DZIP1: variants seen among roughly 807,000 people sequenced by gnomAD.
DZIP1 encodes the protein DAZ interacting zinc finger protein 1.
DZIP1 carries 97 observed loss-of-function variants against 107.6 expected under a neutral mutation model. The observed-to-expected ratio is 0.90, with a 90% CI of 0.77 to 1.07. DZIP1 has a LOEUF of 1.07. Among genes scored for constraint, DZIP1 ranks in the 50% least tolerant of loss-of-function variants. The pLI is 0.00. For missense variants in DZIP1, 1,035 were observed against 1,063.6 expected (o/e 0.97, Z 0.37); for synonymous variants, 390 against 386.4 (o/e 1.01, Z -0.11).
chr13:95,594,167 A>G (rs1566369293), intron 15 of DZIP1, 81 bp from the exon 16 acceptor site: 13 of 1,163,238 alleles, frequency 1.1e-5, no homozygotes, highest in Non-Finnish European at 1.6e-5. Context: ...ATGGCAAACC[A>G]CAGCTTTTAA....
At chr13:95,589,323 G>T in intron 18 of DZIP1, 116 bp from the exon 19 acceptor site, 1 of 763,138 alleles carries the variant, frequency 1.3e-6, no homozygotes, top group Non-Finnish European at 2.1e-6. Flanking sequence ...AGGAAGAGCA[G>T]CAACAAAAGT....
intron 10 of DZIP1, among the ~76,000 whole-genome samples, chr13:95,613,263 A>C (rs55671956): frequency 0.018 from 2,756 of 152,344 alleles, 77 homozygotes; most frequent in African/African-American, 0.062. Context: ...ATGTAATCCC[A>C]GCACTTTGGG....
intron 14 of DZIP1, among the ~76,000 whole-genome samples, chr13:95,605,654 G>T (rs867794428): frequency 6.6e-6 from 1 of 152,212 alleles, no homozygotes; most frequent in South Asian, 2.1e-4. Flanking sequence ...TGTGGCATGT[G>T]CTGGTTGGCT....
At chr13:95,589,103 T>C (rs1447577028) in intron 19 of DZIP1, 51 bp downstream of exon 19, 1 of 1,417,788 alleles carries the variant, frequency 7.1e-7, no homozygotes, top group Non-Finnish European at 9.9e-7. Flanking sequence ...GAAAGGAATG[T>C]TCAGTGAAAA....
rs1294416509 is a variant in DZIP1, at chr13:95,584,836, C to T, written c.2424G>A (p.Gly808=). The change falls in exon 22 of 23, where the codon GGG becomes GGA. Residue 808 remains glycine, a synonymous_variant. Transcript: ENST00000376829. ...EEEISLGKKS[G]KEQKEPPPAK... ...CAGGTGGAGGTTCCTTCTGTTCTTTCCCAGATTTTTTTCCCAAAGATATCT... is the reference window on the plus strand; with the variant it reads ...CAGGTGGAGGTTCCTTCTGTTCTTTTCCAGATTTTTTTCCCAAAGATATCT... The T allele has an allele frequency of 1.9e-6, 3 of 1,614,032 alleles. No homozygotes were observed. Among genetic ancestry groups the T allele is most frequent in the Non-Finnish European group, 2.5e-6 (3 of 1,179,990 alleles).
intron 22 of DZIP1, among the ~76,000 whole-genome samples, chr13:95,584,319 C>T (rs1045584323): frequency 2.0e-5 from 3 of 150,064 alleles, no homozygotes; most frequent in Non-Finnish European, 4.4e-5. Flanking sequence ...TTGGGGGCCA[C>T]GAGCGGTGGC....
At chr13:95,589,054 C>A (rs776748148) in intron 19 of DZIP1, 100 bp downstream of exon 19, 63 of 908,034 alleles carry the variant, frequency 6.9e-5, no homozygotes, top group Non-Finnish European at 1.1e-4. Context: ...TAAATAATTA[C>A]GGCTTCATTC....
At chr13:95,607,935 G>A (rs1763750173) in intron 13 of DZIP1, among the ~76,000 whole-genome samples, 6 of 152,114 alleles carry the variant, frequency 3.9e-5, no homozygotes, top group Admixed American at 3.9e-4. Flanking sequence ...CATTTTACTG[G>A]CTATAGGTCT....
intron 19 of DZIP1, among the ~76,000 whole-genome samples, chr13:95,588,423 A>G (rs920882879): frequency 5.9e-5 from 9 of 152,206 alleles, no homozygotes; most frequent in African/African-American, 2.2e-4. Flanking sequence ...TCTCCAGAAT[A>G]AGGCAATGAT....
Position 95,609,488 on chromosome 13 carries a change from A to G in DZIP1, c.1389T>C (p.Phe463=). ...PKGNPLAWQA[F]ESQPAAPAVP... ...CAGCTGGAGCAGCTGGCTGAGATTC[A>G]AAAGCCTGCCAGGCTAAAGGATTTC... Residue 463 remains phenylalanine (F), a synonymous_variant, in exon 13 of 23, where the codon TTT becomes TTC. Coordinates refer to ENST00000376829, the MANE Select transcript of DZIP1 (RefSeq NM_198968.4). 6.3e-7 allele frequency: 1 copy of G among 1,590,676 alleles called. No individual in the cohort carries two copies. Among genetic ancestry groups the G allele is most frequent in the East Asian group, 2.3e-5 (1 of 44,184 alleles).
rs868540894 is a variant in DZIP1, at chr13:95,593,816, G to A, written c.1680+128C>T. 2.1e-5 allele frequency: 23 copies of A among 1,107,830 alleles called. No homozygotes were observed. In the Middle Eastern group the frequency reaches 1.2e-3, roughly 56 times the overall value. 68.6% of individuals were successfully genotyped at this position (1,107,830 alleles called of 1,614,324 possible). A position where few individuals can be genotyped will look rare whatever the true frequency, so the allele number is the denominator to read the frequency against. ...TTCAAGTGTTTGATAAATAAAGTAG[G>A]TCACATTAGCCTCTGTTCTCCAAAC... is the stretch of plus-strand genomic sequence containing the variant. On this transcript the variant is annotated intron_variant, in intron 16 of 22. Coordinates refer to ENST00000376829, the MANE Select transcript of DZIP1 (RefSeq NM_198968.4).
intron 10 of DZIP1, among the ~76,000 whole-genome samples, chr13:95,617,735 A>G (rs2139203039): frequency 6.6e-6 from 1 of 152,306 alleles, no homozygotes; most frequent in African/African-American, 2.4e-5. Context: ...GGCGGCCAGC[A>G]GCCAGGTTAT....
At chr13:95,587,198 C>T (rs1171386854) in intron 20 of DZIP1, among the ~76,000 whole-genome samples, 1 of 152,124 alleles carries the variant, frequency 6.6e-6, no homozygotes, top group East Asian at 1.9e-4. Context: ...ACAGACCCTC[C>T]CTGGCAGCCC....
intron 7 of DZIP1, among the ~76,000 whole-genome samples, chr13:95,627,482 A>G (rs1377500037): frequency 2.0e-5 from 3 of 152,266 alleles, no homozygotes; most frequent in Non-Finnish European, 4.4e-5. Context: ...AAGGATTTGA[A>G]TAGACATTTC....
Position 95,578,887 on chromosome 13 carries a change from T to C in DZIP1, c.*3347A>G, listed in dbSNP as rs946034505. 4 of 152,218 alleles carry C rather than the reference T, an allele frequency of 2.6e-5. No individual in the cohort carries two copies. The highest frequency in any genetic ancestry group is 9.6e-5 in the African/African-American group (4 of 41,460). The allele number at this position is 152,218 out of a possible 1,614,324, so 9.4% of individuals were successfully genotyped here. Reference sequence around the variant, plus strand: ...AAGGGCTAATGGGGCCAATATATTATTGCCTGTCATGTGGCACATCCATGT... The same window carrying C: ...AAGGGCTAATGGGGCCAATATATTACTGCCTGTCATGTGGCACATCCATGT... On this transcript the variant is annotated 3_prime_UTR_variant, in exon 23 of 23. Coordinates refer to ENST00000376829, the MANE Select transcript of DZIP1 (RefSeq NM_198968.4).
chr13:95,588,375 C>T (rs2044220792), intron 19 of DZIP1, among the ~76,000 whole-genome samples: 1 of 152,160 alleles, frequency 6.6e-6, no homozygotes, highest in African/African-American at 2.4e-5. Flanking sequence ...GTCTCTAATA[C>T]ACAGTGCCTC....
chr13:95,595,372 TAGA>T (rs1274209349), intron 15 of DZIP1, among the ~76,000 whole-genome samples: 3 of 98,660 alleles, frequency 3.0e-5, no homozygotes, highest in East Asian at 4.7e-4. Flanking sequence ...GTACATTAAA[TAGA>T]AGAACAAAAT....
intron 16 of DZIP1, among the ~76,000 whole-genome samples, chr13:95,593,205 A>T (rs1216686051): frequency 6.6e-6 from 1 of 152,236 alleles, no homozygotes; most frequent in East Asian, 1.9e-4. Context: ...TATCATATAC[A>T]CAAATGTGTA....
At chr13:95,633,857 T>TG (rs995932070) in intron 5 of DZIP1, among the ~76,000 whole-genome samples, 2 of 151,202 alleles carry the variant, frequency 1.3e-5, no homozygotes, top group Admixed American at 6.6e-5. Flanking sequence ...CGAAGGCAGT[T>TG]GGGGGGTCAC....
Sources: allele counts gnomAD v4.1 joint callset (sites outside exome capture counted in the v4.1 genomes callset), GRCh38; gene constraint gnomAD v4.1.1; transcripts MANE v1.5; gene names NCBI Gene and HGNC (gene_info 2026-07-23, HGNC 2026-07-21).